Variants in RAB13 observed in about 807,000 individuals in gnomAD.
RAB13 encodes the protein ras-related protein Rab-13.
A neutral mutation model predicts 29.3 loss-of-function variants in RAB13; 15 were observed. The observed-to-expected ratio is 0.51, with a 90% CI of 0.34 to 0.79. RAB13 has a LOEUF of 0.79. Among genes scored for constraint, RAB13 ranks in the 30% least tolerant of loss-of-function variants. The probability of loss-of-function intolerance (pLI) is 0.01; values close to 1 mark genes in which losing one functional copy is unlikely to be tolerated. For synonymous variants in RAB13, 82 were observed against 93.8 expected (o/e 0.87, Z 0.73); for missense variants, 186 against 255.5 (o/e 0.73, Z 1.85).
At position 153,982,579 on chromosome 1, in the gene RAB13, G is replaced by A. The variant is rs1430718358; in HGVS notation, c.436C>T (p.Arg146Ter). The A allele has an allele frequency of 1.9e-6, 3 of 1,613,714 alleles. No individual in the cohort carries two copies. The highest frequency in any genetic ancestry group is 2.2e-5 in the East Asian group (1 of 44,888). Residue 146 changes from arginine to a stop codon, truncating the protein, a stop_gained, in exon 6 of 8, where the codon CGA (arginine) becomes TGA (stop). Coordinates refer to ENST00000368575, the MANE Select transcript of RAB13 (RefSeq NM_002870.5). LOFTEE classifies it high-confidence loss of function. ...ADKLAREHGI[R>*]FFETSAKSSM... is the part of the protein sequence containing the mutation. ...GATTTAGCACTAGTTTCGAAAAATC[G>A]GATTCCATGCTCTCGAGCCAACTAT...
At chr1:153,989,973 C>G (rs1649304652), upstream of RAB13, among the ~76,000 whole-genome samples, 1 of 152,260 alleles carries the variant, frequency 6.6e-6, no homozygotes, top group African/African-American at 2.4e-5. Flanking sequence ...ATGCTTGTCC[C>G]TTCTCAAGCT....
At chr1:153,986,389 C>G, upstream of RAB13, 1 of 657,380 alleles carries the variant, frequency 1.5e-6, no homozygotes, top group East Asian at 2.8e-5. Flanking sequence ...AGAGGCGGCA[C>G]CCCTCCGGGC....
intron 6 of RAB13, 39 bp downstream of exon 6, chr1:153,982,496 A>G (rs1649016616): frequency 6.2e-7 from 1 of 1,607,188 alleles, no homozygotes; most frequent in African/African-American, 1.3e-5. Context: ...ACCTTCTAAT[A>G]CTTCCTCTCT....
At chr1:153,990,616 CAGTT>C, upstream of RAB13, 1 of 687,308 alleles carries the variant, frequency 1.5e-6, no homozygotes, top group Non-Finnish European at 2.6e-6. Flanking sequence ...TCACAACTAA[CAGTT>C]AAAGACCTTC....
At chr1:153,989,278 C>G (rs1649279285), upstream of RAB13, among the ~76,000 whole-genome samples, 2 of 142,402 alleles carry the variant, frequency 1.4e-5, no homozygotes, top group South Asian at 4.3e-4. Flanking sequence ...GAGACGGAGT[C>G]TCGCTCTGTC....
At position 153,982,132 on chromosome 1, in the gene RAB13, G is replaced by A; in HGVS notation, c.579C>T (p.Asp193=). 1.9e-6 allele frequency: 3 copies of A among 1,613,954 alleles called. No individual in the cohort carries two copies. In the South Asian group the frequency reaches 3.3e-5, roughly 18 times the overall value. Residue 193 remains aspartate, a synonymous_variant, in exon 8 of 8, where the codon GAC becomes GAT. Coordinates refer to ENST00000368575, the MANE Select transcript of RAB13 (RefSeq NM_002870.5). ...GGGAGCACTTGTTGGTGTTCTTCTT[G>A]TCACAAGTTTTCAGGTCAGTACTGG... ...KPPSTDLKTC[D]KKNTNKCSLG is the part of the protein sequence containing the mutation.
At chr1:153,987,679 C>T (rs543754681), upstream of RAB13, among the ~76,000 whole-genome samples, 1 of 145,326 alleles carries the variant, frequency 6.9e-6, no homozygotes, top group East Asian at 2.1e-4. Context: ...GTGGCTCACA[C>T]TTGTAATCCC....
Position 153,982,520 on chromosome 1 carries a change from G to C in RAB13, c.480+15C>G. 1 of 1,611,226 alleles carries C rather than the reference G, an allele frequency of 6.2e-7. No homozygotes were observed. The highest frequency in any genetic ancestry group is 8.5e-7 in the Non-Finnish European group (1 of 1,177,366). On this transcript the variant is annotated intron_variant, in intron 6 of 7. Coordinates refer to ENST00000368575, the MANE Select transcript of RAB13 (RefSeq NM_002870.5). ...TACTTCCTCTCTTGGTCGGGGATGG[G>C]GGTGTGGATCTCACCTCATCCACAT...
upstream of RAB13, among the ~76,000 whole-genome samples, chr1:153,990,551 A>C (rs1032928006): frequency 1.3e-5 from 2 of 152,218 alleles, no homozygotes; most frequent in African/African-American, 4.8e-5. Flanking sequence ...GATAGTGATC[A>C]AACGCTGACC....
At position 153,986,207 on chromosome 1, in the gene RAB13, C is replaced by G. The variant is rs1193704435; in HGVS notation, c.30G>C (p.Lys10Asn). Reference sequence around the variant, plus strand: ...CCCCCGAGTCCCCGATCAGCAGCAACTTGAAGAGGTGGTCGTAGGCTTTGG... The same window carrying G: ...CCCCCGAGTCCCCGATCAGCAGCAAGTTGAAGAGGTGGTCGTAGGCTTTGG... MAKAYDHLFKLLLIGDSGVG... is the reference protein window; with the variant it reads MAKAYDHLFNLLLIGDSGVG... Residue 10 changes from lysine (K) to asparagine (N), a missense_variant, in exon 1 of 8, where the codon AAG (lysine) becomes AAC (asparagine). Coordinates refer to ENST00000368575, the MANE Select transcript of RAB13 (RefSeq NM_002870.5). 6.2e-7 allele frequency: 1 copy of G among 1,613,516 alleles called. No homozygotes were observed. Among genetic ancestry groups the G allele is most frequent in the Non-Finnish European group, 8.5e-7 (1 of 1,179,866 alleles).
rs144423974 is a variant in RAB13 at position 153,983,254 on chromosome 1, C to T, written c.289G>A (p.Glu97Lys). 1.5e-5 allele frequency: 24 copies of T among 1,613,858 alleles called. No homozygotes were observed. In the African/African-American group the frequency reaches 2.7e-4, roughly 18 times the overall value. Residue 97 changes from glutamate (E) to lysine (K), a missense_variant, in exon 4 of 8, where the codon GAG (glutamate) becomes AAG (lysine). Coordinates refer to ENST00000368575, the MANE Select transcript of RAB13 (RefSeq NM_002870.5). ...CTTTTCATCCAGTTCTGAATATTCT[C>T]GAAAGATTTCTCATCCGTGATGTCG... is the stretch of plus-strand genomic sequence containing the variant. ...VYDITDEKSF[E>K]NIQNWMKSIK...
upstream of RAB13, among the ~76,000 whole-genome samples, chr1:153,989,241 T>C (rs952105819): frequency 7.2e-6 from 1 of 138,332 alleles, no homozygotes; most frequent in Non-Finnish European, 1.6e-5. Flanking sequence ...AAAGAAAAAA[T>C]TATTATTATT....
At chr1:153,982,893 A>G (rs1571127627) in intron 4 of RAB13, 85 bp from the exon 5 acceptor site, 1 of 1,321,338 alleles carries the variant, frequency 7.6e-7, no homozygotes, top group East Asian at 2.3e-5. Context: ...TTGGGAGGCC[A>G]AGGCGGGTGG....
intron 1 of RAB13, chr1:153,985,286 T>G (rs1649125984): frequency 1.0e-6 from 1 of 985,634 alleles, no homozygotes; most frequent in Non-Finnish European, 1.2e-6. Context: ...AGGATTACTT[T>G]TGAGACAATT....
chr1:153,983,546 G>C lies in RAB13; in HGVS notation c.221C>G (p.Thr74Ser). 1 of 1,612,012 alleles carries C rather than the reference G, an allele frequency of 6.2e-7. No individual in the cohort carries two copies. The highest frequency in any genetic ancestry group is 8.5e-7 in the Non-Finnish European group (1 of 1,178,050). Residue 74 changes from threonine to serine, a missense_variant, in exon 3 of 8, where the codon ACT becomes AGT. By Grantham distance (58) the Thr-to-Ser change is moderately conservative. Coordinates refer to ENST00000368575, the MANE Select transcript of RAB13 (RefSeq NM_002870.5). ...CATGGCTCCACGGTAGTAGGCAGTA[G>C]TTATTGTCTTGAACCGCTCTTGGCC... ...TAGQERFKTITTAYYRGAMGI... is the reference protein window; with the variant it reads ...TAGQERFKTISTAYYRGAMGI...
rs118189503 is a variant in RAB13, at chr1:153,982,517, T to C, written c.480+18A>G. 1,784 of 1,610,694 alleles carry C rather than the reference T, an allele frequency of 1.1e-3. 36 individuals carry two copies. In the East Asian group the frequency reaches 0.035, roughly 32 times the overall value. On this transcript the variant is annotated intron_variant, in intron 6 of 7. Coordinates refer to ENST00000368575, the MANE Select transcript of RAB13 (RefSeq NM_002870.5). ...TAATACTTCCTCTCTTGGTCGGGGA[T>C]GGGGGTGTGGATCTCACCTCATCCA...
At chr1:153,986,486 C>T (rs1052238368), upstream of RAB13, 7 of 493,540 alleles carry the variant, frequency 1.4e-5, no homozygotes, top group African/African-American at 1.0e-4. Flanking sequence ...CTAGCTTAGG[C>T]CGGCCTGTCT....
rs1343453356 is a variant in RAB13 at position 153,986,250 on chromosome 1, G to A, written c.-14C>T. ...GGCTTTGGCCATGGCGGACACCGGG[G>A]GAGCCGGGGGAGGGGTGGGGAGCGC... On this transcript the variant is annotated 5_prime_UTR_variant, in exon 1 of 8. Transcript: ENST00000368575. 10 of 1,609,752 alleles carry A rather than the reference G, an allele frequency of 6.2e-6. No homozygotes were observed. In the Admixed American group the frequency reaches 6.7e-5, roughly 11 times the overall value.
At chr1:153,983,326 A>G (rs751010727) in intron 3 of RAB13, 30 bp from the exon 4 acceptor site, 22 of 1,600,554 alleles carry the variant, frequency 1.4e-5, no homozygotes, top group Admixed American at 1.7e-5. Flanking sequence ...ACCTTGGACC[A>G]TGTTCCCATT....
Sources: allele counts gnomAD v4.1 joint callset (sites outside exome capture counted in the v4.1 genomes callset), GRCh38; gene constraint gnomAD v4.1.1; transcripts MANE v1.5; gene names NCBI Gene and HGNC (gene_info 2026-07-23, HGNC 2026-07-21).